CDH8: variants seen among roughly 807,000 people sequenced by gnomAD.
CDH8 encodes the protein cadherin 8.
CDH8 carries 17 observed loss-of-function variants against 68.1 expected under a neutral mutation model. The ratio of observed to expected loss-of-function variants is 0.25; its 90% confidence interval spans 0.17 to 0.37. The LOEUF is 0.37. CDH8 is among the 10% of genes least tolerant of loss of function. The probability of loss-of-function intolerance (pLI) is 1.00; values close to 1 mark genes in which losing one functional copy is unlikely to be tolerated. For synonymous variants in CDH8, 372 were observed against 365.1 expected (o/e 1.02, Z -0.21); for missense variants, 763 against 999.3 (o/e 0.76, Z 3.19).
chr16:61,843,929 C>T (rs1962742062), intron 4 of CDH8, among the ~76,000 whole-genome samples: 2 of 152,066 alleles, frequency 1.3e-5, no homozygotes, highest in African/African-American at 2.4e-5. Context: ...GCCATTCTAA[C>T]TGGTGTGAGA....
chr16:61,900,492 T>G (rs1048588973), intron 3 of CDH8, among the ~76,000 whole-genome samples: 6 of 152,164 alleles, frequency 3.9e-5, no homozygotes, highest in Admixed American at 1.3e-4. Flanking sequence ...TTTCTTATCA[T>G]CATGGCAGGG....
intron 2 of CDH8, among the ~76,000 whole-genome samples, chr16:62,000,025 T>C (rs1240522457): frequency 1.3e-5 from 2 of 151,866 alleles, no homozygotes; most frequent in Non-Finnish European, 2.9e-5. Flanking sequence ...TGTGTTCTCA[T>C]TGTTCAACTC....
chr16:62,017,370 G>C (rs564089000), intron 2 of CDH8, among the ~76,000 whole-genome samples: 1 of 152,192 alleles, frequency 6.6e-6, no homozygotes, highest in Non-Finnish European at 1.5e-5. Context: ...GAACTGATAG[G>C]GAAAAACTCT....
intron 3 of CDH8, among the ~76,000 whole-genome samples, chr16:61,888,441 C>T (rs1227921898): frequency 6.6e-6 from 1 of 152,108 alleles, no homozygotes; most frequent in Non-Finnish European, 1.5e-5. Flanking sequence ...TGCTTCATGA[C>T]GTATAAGGTC....
intron 8 of CDH8, among the ~76,000 whole-genome samples, chr16:61,784,933 A>C (rs1191915071): frequency 2.0e-5 from 3 of 152,004 alleles, no homozygotes; most frequent in Non-Finnish European, 4.4e-5. Context: ...GACGCATTCA[A>C]AGCAGTGTGT....
At chr16:61,854,490 T>A (rs955089900) in intron 4 of CDH8, among the ~76,000 whole-genome samples, 3 of 152,130 alleles carry the variant, frequency 2.0e-5, no homozygotes, top group African/African-American at 7.2e-5. Flanking sequence ...AAGATCTGCA[T>A]TTGATAAGAG....
chr16:61,675,174 C>T (rs1339875046), intron 10 of CDH8, among the ~76,000 whole-genome samples: 1 of 151,848 alleles, frequency 6.6e-6, no homozygotes, highest in East Asian at 1.9e-4. Flanking sequence ...ACAAAAAGTG[C>T]CAGAATTGGT....
intron 9 of CDH8, 111 bp downstream of exon 9, chr16:61,726,983 T>C (rs766936905): frequency 2.1e-5 from 24 of 1,163,620 alleles, no homozygotes; most frequent in Middle Eastern, 2.0e-4. Context: ...GTTTCTTGCC[T>C]GAGACTTTGC....
At chr16:61,926,317 A>G (rs1964456468) in intron 2 of CDH8, among the ~76,000 whole-genome samples, 1 of 152,176 alleles carries the variant, frequency 6.6e-6, no homozygotes, top group Non-Finnish European at 1.5e-5. Flanking sequence ...ACAAAAAAAT[A>G]AGAAAACAGA....
At chr16:61,733,688 G>T (rs1295967121) in intron 8 of CDH8, among the ~76,000 whole-genome samples, 1 of 151,628 alleles carries the variant, frequency 6.6e-6, no homozygotes. Context: ...CACCCTTCCT[G>T]TCACTTTCAG....
chr16:61,996,426 C>T (rs147927041), intron 2 of CDH8, among the ~76,000 whole-genome samples: 107 of 152,206 alleles, frequency 7.0e-4, no homozygotes, highest in African/African-American at 2.4e-3. Context: ...TGGCATTTTC[C>T]CTTCTTAAAA....
At position 61,801,238 on chromosome 16, in the gene CDH8, A is replaced by T. The variant is rs1318403357; in HGVS notation, c.1278-11756T>A. Among the ~76,000 whole-genome samples the T allele has an allele frequency of 2.0e-5, 3 of 152,170 alleles. No individual in the cohort carries two copies. The East Asian group carries it at 5.8e-4, about 29-fold the overall frequency. ...TTTTACAAATACATGTAATTTGATT[A>T]TTATTTATAACTAATAGCCAGGTCT... On this transcript the variant is annotated intron_variant, in intron 7 of 11. Coordinates refer to ENST00000577390, the MANE Select transcript of CDH8 (RefSeq NM_001796.5).
intron 8 of CDH8, among the ~76,000 whole-genome samples, chr16:61,755,288 C>A (rs551654804): frequency 6.6e-6 from 1 of 151,842 alleles, no homozygotes; most frequent in East Asian, 1.9e-4. Flanking sequence ...AATTAACATA[C>A]GGAATAATCA....
At chr16:61,762,875 T>C (rs901765377) in intron 8 of CDH8, among the ~76,000 whole-genome samples, 1 of 152,156 alleles carries the variant, frequency 6.6e-6, no homozygotes, top group African/African-American at 2.4e-5. Flanking sequence ...GGAATCCCAA[T>C]CTGTGTTTTA....
At chr16:61,751,513 C>T (rs1179976006) in intron 8 of CDH8, among the ~76,000 whole-genome samples, 2 of 151,536 alleles carry the variant, frequency 1.3e-5, no homozygotes, top group Non-Finnish European at 2.9e-5. Flanking sequence ...GAAGACCGTC[C>T]CGTTACATTT....
Position 61,650,587 on chromosome 16 carries a change from T to A in CDH8, c.*3021A>T, listed in dbSNP as rs1963297669. The A allele has an allele frequency of 1.3e-5, 2 of 152,000 alleles. No individual in the cohort carries two copies. Among genetic ancestry groups the A allele is most frequent in the Admixed American group, 6.6e-5 (1 of 15,224 alleles). 9.4% of individuals were successfully genotyped at this position (152,000 alleles called of 1,614,324 possible). ...TCTTAGAAAATGTTAGGAACCTTAT[T>A]GATATCTTTTGGTTGGGAAAGTCCT... On this transcript the variant is annotated 3_prime_UTR_variant, in exon 12 of 12. Coordinates refer to ENST00000577390, the MANE Select transcript of CDH8 (RefSeq NM_001796.5).
chr16:61,694,843 G>A (rs985672739), intron 10 of CDH8, among the ~76,000 whole-genome samples: 2 of 152,088 alleles, frequency 1.3e-5, no homozygotes, highest in African/African-American at 4.8e-5. Context: ...GTGCAGAGGT[G>A]TGATCTCGGC....
At chr16:61,869,303 T>C (rs1347524437) in intron 3 of CDH8, among the ~76,000 whole-genome samples, 1 of 152,048 alleles carries the variant, frequency 6.6e-6, no homozygotes, top group Non-Finnish European at 1.5e-5. Flanking sequence ...AAAGAAACAT[T>C]ATTGCCTAGA....
chr16:61,967,583 T>C (rs1258381253), intron 2 of CDH8, among the ~76,000 whole-genome samples: 2 of 152,172 alleles, frequency 1.3e-5, no homozygotes, highest in Non-Finnish European at 2.9e-5. Flanking sequence ...TTCATGTACA[T>C]CATATACATG....
Sources: gnomAD v4.1 joint callset for allele counts (sites outside exome capture counted in the v4.1 genomes callset) on GRCh38, gnomAD v4.1.1 for gene constraint, MANE v1.5 for transcripts, NCBI Gene and HGNC (gene_info 2026-07-23, HGNC 2026-07-21) for gene names.